ZNF608: variants seen among roughly 807,000 people sequenced by gnomAD.
The protein encoded by ZNF608 is renal carcinoma antigen NY-REN-36.
ZNF608 carries 12 observed loss-of-function variants against 109.0 expected under a neutral mutation model. That is an observed-to-expected ratio of 0.11 (90% confidence interval 0.07 to 0.18). ZNF608 has a LOEUF of 0.18. ZNF608 is among the 10% of genes least tolerant of loss of function. The probability of loss-of-function intolerance (pLI) is 1.00; values close to 1 mark genes in which losing one functional copy is unlikely to be tolerated. For synonymous variants in ZNF608, 732 were observed against 717.4 expected (o/e 1.02, Z -0.33); for missense variants, 1,707 against 1,879.3 (o/e 0.91, Z 1.70).
intron 3 of ZNF608, among the ~76,000 whole-genome samples, chr5:124,661,355 A>C (rs7731056): frequency 5.9e-5 from 9 of 151,884 alleles, no homozygotes; most frequent in Admixed American, 5.9e-4. Flanking sequence ...GCAGATGGAC[A>C]GAGCAGGTTA....
chr5:124,738,015 A>T (rs1749224984), intron 2 of ZNF608, among the ~76,000 whole-genome samples: 1 of 152,206 alleles, frequency 6.6e-6, no homozygotes, highest in Admixed American at 6.5e-5. Flanking sequence ...TAAAACCAAC[A>T]GTGAACATTT....
At position 124,701,354 on chromosome 5, in the gene ZNF608, T is replaced by C. The variant is rs1753045431; in HGVS notation, c.907-85A>G. On this transcript the variant is annotated intron_variant, in intron 2 of 9. Coordinates refer to ENST00000513986, the MANE Select transcript of ZNF608 (RefSeq NM_020747.3). ...ATTTGCTTATATCACTTCTAGAATA[T>C]ATCACCATTCCAAATTCCATTTGCA... 6 of 1,486,798 alleles carry C rather than the reference T, an allele frequency of 4.0e-6. No homozygotes were observed. The Admixed American group carries it at 5.7e-5, about 14-fold the overall frequency. 92.1% of individuals were successfully genotyped at this position (1,486,798 alleles called of 1,614,324 possible).
At chr5:124,655,880 A>G (rs1438985191) in intron 3 of ZNF608, among the ~76,000 whole-genome samples, 2 of 152,240 alleles carry the variant, frequency 1.3e-5, no homozygotes, top group African/African-American at 4.8e-5. Flanking sequence ...CTTCAAATAT[A>G]ATTATTTGGG....
intron 2 of ZNF608, among the ~76,000 whole-genome samples, chr5:124,703,557 G>C (rs1342533199): frequency 6.6e-6 from 1 of 152,078 alleles, no homozygotes; most frequent in Admixed American, 6.6e-5. Context: ...CTTCAGGCTG[G>C]GAGTTGGAGA....
At position 124,647,283 on chromosome 5, in the gene ZNF608, G is replaced by A. The variant is rs1358515015; in HGVS notation, c.3101C>T (p.Ser1034Phe). The change falls in exon 5 of 10, where the codon TCT becomes TTT. Residue 1034 changes from serine to phenylalanine, a missense_variant. Ser to Phe is a radical substitution (Grantham distance 155). Around this residue, in one of 7 missense-constraint regions of ZNF608, gnomAD observed 1,073 missense variants for 1,133.5 expected, o/e 0.95. Coordinates refer to ENST00000513986, the MANE Select transcript of ZNF608 (RefSeq NM_020747.3). ...GTCTTTCTTTTCAGCATCTTCCTCA[G>A]ACTCCTTCTTGATCTTCATTCCCTG... ...STQGMKIKKE[S>F]EEDAEKKDKA... The A allele has an allele frequency of 6.8e-6, 11 of 1,614,166 alleles. No individual in the cohort carries two copies. The highest frequency in any genetic ancestry group is 9.3e-6 in the Non-Finnish European group (11 of 1,180,038).
intron 2 of ZNF608, among the ~76,000 whole-genome samples, chr5:124,716,141 T>TGAAAAAAA (rs1753691857): frequency 1.8e-5 from 1 of 55,532 alleles, no homozygotes; most frequent in African/African-American, 8.4e-5. Context: ...AGAATCCGTC[T>TGAAAAAAA]CAAAAAAAAA....
intron 3 of ZNF608, among the ~76,000 whole-genome samples, chr5:124,692,837 T>C (rs1191115926): frequency 6.6e-6 from 1 of 152,194 alleles, no homozygotes; most frequent in Non-Finnish European, 1.5e-5. Context: ...TTCTGAGGAT[T>C]AAAGGAAATC....
Position 124,745,153 on chromosome 5 carries a change from C to A in ZNF608, c.-164G>T. On this transcript the variant is annotated 5_prime_UTR_variant, in exon 2 of 10. Transcript: ENST00000513986. ...AATGTGTCCAGGGATTTTACACCCT[C>A]AGTCCAGGTCCACCTTTTCCTGTGA... is the stretch of plus-strand genomic sequence containing the variant. 1 of 1,424,246 alleles carries A rather than the reference C, an allele frequency of 7.0e-7. No individual in the cohort carries two copies. The highest frequency in any genetic ancestry group is 2.6e-5 in the East Asian group (1 of 39,192). 88.2% of individuals were successfully genotyped at this position (1,424,246 alleles called of 1,614,324 possible).
At chr5:124,668,206 ATATATATATAT>A (rs1431358757) in intron 3 of ZNF608, among the ~76,000 whole-genome samples, 1 of 144,030 alleles carries the variant, frequency 6.9e-6, no homozygotes, top group Non-Finnish European at 1.5e-5. Flanking sequence ...ATATATATAT[ATATATATATAT>A]TATATATATA....
At chr5:124,705,012 T>C (rs1294329907) in intron 2 of ZNF608, among the ~76,000 whole-genome samples, 2 of 152,120 alleles carry the variant, frequency 1.3e-5, no homozygotes, top group East Asian at 3.9e-4. Context: ...TAGGTAAGAA[T>C]TTCCCCCCAA....
chr5:124,694,142 A>ATTTTTTTTTTTTTTTTTTTT (rs11320730), intron 3 of ZNF608, among the ~76,000 whole-genome samples: 11 of 63,938 alleles, frequency 1.7e-4, no homozygotes, highest in East Asian at 6.3e-4. Context: ...CGCTCGGCTA[A>ATTTTTTTTTTTTTTTTTTTT]TTTTTTTTTT....
intron 4 of ZNF608, 60 bp from the exon 5 acceptor site, chr5:124,649,193 C>T: frequency 7.2e-7 from 1 of 1,396,840 alleles, no homozygotes; most frequent in Non-Finnish European, 9.6e-7. Context: ...GGTGAAATCA[C>T]AAAGTACACA....
At chr5:124,643,982 A>C (rs1366797434) in intron 6 of ZNF608, among the ~76,000 whole-genome samples, 1 of 152,220 alleles carries the variant, frequency 6.6e-6, no homozygotes, top group Non-Finnish European at 1.5e-5. Context: ...AGTGCTTAGA[A>C]TATTTTTATA....
At chr5:124,724,558 T>A (rs141544865) in intron 2 of ZNF608, among the ~76,000 whole-genome samples, 1 of 151,628 alleles carries the variant, frequency 6.6e-6, no homozygotes, top group Non-Finnish European at 1.5e-5. Context: ...CATTTCCAAT[T>A]TTTTGTTATT....
chr5:124,652,080 C>G (rs1428959356), intron 3 of ZNF608, among the ~76,000 whole-genome samples: 1 of 152,260 alleles, frequency 6.6e-6, no homozygotes, highest in East Asian at 1.9e-4. Context: ...CAAGGGAAAC[C>G]TGGAGTCTGA....
intron 2 of ZNF608, among the ~76,000 whole-genome samples, chr5:124,742,020 T>C (rs951363679): frequency 1.3e-5 from 2 of 152,190 alleles, no homozygotes; most frequent in Non-Finnish European, 2.9e-5. Flanking sequence ...TAAATTGCAG[T>C]GTGCTTTCTT....
In ZNF608 at chr5:124,648,148, G is replaced by C. The variant is rs571737658; in HGVS notation, c.2236C>G (p.Pro746Ala). 2 of 1,611,458 alleles carry C rather than the reference G, an allele frequency of 1.2e-6. No individual in the cohort carries two copies. Among genetic ancestry groups the C allele is most frequent in the Non-Finnish European group, 8.5e-7 (1 of 1,178,404 alleles). ...RPIAPAPAPTPPQLIAIPTAT... is the reference protein window; with the variant it reads ...RPIAPAPAPTAPQLIAIPTAT... Reference sequence around the variant, plus strand: ...GTGGGTATAGCGATTAGCTGCGGGGGAGTGGGGGCTGGGGCAGGGGCAATG... The same window carrying C: ...GTGGGTATAGCGATTAGCTGCGGGGCAGTGGGGGCTGGGGCAGGGGCAATG... Residue 746 changes from proline to alanine, a missense_variant, in exon 5 of 10, where the codon CCC becomes GCC. Pro to Ala is a conservative substitution (Grantham distance 27). Transcript: ENST00000513986.
chr5:124,692,723 A>G (rs1752671696), intron 3 of ZNF608, among the ~76,000 whole-genome samples: 1 of 151,816 alleles, frequency 6.6e-6, no homozygotes, highest in Admixed American at 6.6e-5. Context: ...TCAAATTCAG[A>G]CTCTCCCCCA....
Position 124,637,017 on chromosome 5 carries a change from G to C in ZNF608, c.*883C>G, listed in dbSNP as rs928357498. 2 of 147,730 alleles carry C rather than the reference G, an allele frequency of 1.4e-5. No individual in the cohort carries two copies. Among genetic ancestry groups the C allele is most frequent in the African/African-American group, 2.5e-5 (1 of 39,962 alleles). The allele number at this position is 147,730 out of a possible 1,614,324, so 9.2% of individuals were successfully genotyped here. On this transcript the variant is annotated 3_prime_UTR_variant, in exon 10 of 10. Coordinates refer to ENST00000513986, the MANE Select transcript of ZNF608 (RefSeq NM_020747.3). ...TATACATTTTACATAAAATAAACTA[G>C]ATTACAGCATAAAACAAGTAACCAG...
Sources: gnomAD v4.1 joint callset for allele counts (sites outside exome capture counted in the v4.1 genomes callset) on GRCh38, gnomAD v4.1.1 for gene constraint, gnomAD v4.1.1 regional missense constraint, MANE v1.5 for transcripts, NCBI Gene and HGNC (gene_info 2026-07-23, HGNC 2026-07-21) for gene names.